KCNH7: variants seen among roughly 807,000 people sequenced by gnomAD.
KCNH7 encodes the protein potassium voltage-gated channel subfamily H member 7, also known as voltage-gated inwardly rectifying potassium channel KCNH7.
Under a neutral mutation model 120.8 loss-of-function variants are expected in KCNH7, and 49 were observed. The observed-to-expected ratio is 0.41, with a 90% confidence interval of 0.32 to 0.51. KCNH7 has a LOEUF of 0.51. Ranked by LOEUF, KCNH7 falls within the 20% of genes least tolerant of loss-of-function variation. The probability of loss-of-function intolerance (pLI) is 0.38; values close to 1 mark genes in which losing one functional copy is unlikely to be tolerated. For synonymous variants in KCNH7, 547 were observed against 516.1 expected, an observed-to-expected ratio of 1.06 and a Z score of -0.81; for missense variants, 1,097 against 1,446.6, an observed-to-expected ratio of 0.76 and a Z score of 3.92.
rs538888085 is a variant in KCNH7 at position 162,407,532 on chromosome 2, G to A, written c.2155-7091C>T. On this transcript the variant is annotated intron_variant, in intron 9 of 15. Coordinates refer to ENST00000332142, the MANE Select transcript of KCNH7 (RefSeq NM_033272.4). ...TCATACACATGTCCTTGTTACCCAG[G>A]CTCTGGAGTCCTTGTGTTAATTCCG... Among the ~76,000 whole-genome samples, 26 of 152,068 alleles carry A rather than the reference G, an allele frequency of 1.7e-4. No homozygotes were observed. In the East Asian group the frequency reaches 5.1e-3, roughly 30 times the overall value.
chr2:162,559,872 C>G (rs1225394558), intron 2 of KCNH7, among the ~76,000 whole-genome samples: 1 of 152,146 alleles, frequency 6.6e-6, no homozygotes, highest in Non-Finnish European at 1.5e-5. Flanking sequence ...AGATGGAGTT[C>G]TGAATTATGT....
chr2:162,529,481 T>G (rs1691840069), intron 3 of KCNH7, among the ~76,000 whole-genome samples: 1 of 151,988 alleles, frequency 6.6e-6, no homozygotes, highest in African/African-American at 2.4e-5. Context: ...TGTATCTGTG[T>G]GTGAATCAGA....
At chr2:162,811,838 A>G (rs1393319503) in intron 2 of KCNH7, among the ~76,000 whole-genome samples, 3 of 152,156 alleles carry the variant, frequency 2.0e-5, no homozygotes, top group Non-Finnish European at 2.9e-5. Flanking sequence ...CTAGCACTGC[A>G]TGATTAAAGG....
chr2:162,386,859 G>T (rs1404827996), intron 12 of KCNH7, among the ~76,000 whole-genome samples: 1 of 151,636 alleles, frequency 6.6e-6, no homozygotes, highest in Non-Finnish European at 1.5e-5. Flanking sequence ...ACTTTGGCTT[G>T]ATTTTGGATG....
intron 3 of KCNH7, among the ~76,000 whole-genome samples, chr2:162,536,612 T>C (rs976268518): frequency 1.3e-5 from 2 of 151,938 alleles, no homozygotes; most frequent in African/African-American, 2.4e-5. Context: ...AATATACATA[T>C]GAAAATACAT....
chr2:162,404,181 T>C (rs17716942), intron 9 of KCNH7, among the ~76,000 whole-genome samples: 14,494 of 151,940 alleles, frequency 0.095, 942 homozygotes, highest in Middle Eastern at 0.22. Flanking sequence ...GATTGTTATA[T>C]CTATTTCCAC....
chr2:162,432,281 T>C (rs926906553), intron 8 of KCNH7, among the ~76,000 whole-genome samples: 2 of 152,018 alleles, frequency 1.3e-5, no homozygotes, highest in Non-Finnish European at 2.9e-5. Context: ...TCAACTTCCA[T>C]TTCTTTCTGG....
At chr2:162,752,926 A>G (rs1007667308) in intron 2 of KCNH7, among the ~76,000 whole-genome samples, 14 of 77,160 alleles carry the variant, frequency 1.8e-4, no homozygotes, top group South Asian at 4.2e-4. Flanking sequence ...AAGAAAAGAA[A>G]AGAAAAGAAA....
At chr2:162,392,392 C>A (rs2105428874) in intron 12 of KCNH7, among the ~76,000 whole-genome samples, 1 of 151,576 alleles carries the variant, frequency 6.6e-6, no homozygotes, top group South Asian at 2.1e-4. Context: ...GAGGAGTGGG[C>A]AGTTTGTTTC....
chr2:162,650,688 C>T (rs781163022), intron 2 of KCNH7, among the ~76,000 whole-genome samples: 14 of 148,824 alleles, frequency 9.4e-5, no homozygotes, highest in Non-Finnish European at 1.3e-4. Context: ...AACTCAGTTG[C>T]CAATTTTCAT....
At chr2:162,433,399 C>T (rs979457607) in intron 8 of KCNH7, among the ~76,000 whole-genome samples, 1 of 151,964 alleles carries the variant, frequency 6.6e-6, no homozygotes, top group Non-Finnish European at 1.5e-5. Context: ...TCACAGTAAC[C>T]AAAACAGCAT....
chr2:162,654,959 T>G (rs1363531544), intron 2 of KCNH7, among the ~76,000 whole-genome samples: 3 of 152,122 alleles, frequency 2.0e-5, no homozygotes, highest in Admixed American at 6.5e-5. Flanking sequence ...AGTAGAATGG[T>G]GTTTACCAGG....
chr2:162,688,927 G>T (rs1685999197), intron 2 of KCNH7, among the ~76,000 whole-genome samples: 1 of 151,696 alleles, frequency 6.6e-6, no homozygotes. Flanking sequence ...TATTTGCTGG[G>T]TAACTTTTGA....
chr2:162,548,230 A>ACC (rs1692545828), intron 2 of KCNH7, among the ~76,000 whole-genome samples: 1 of 152,114 alleles, frequency 6.6e-6, no homozygotes, highest in African/African-American at 2.4e-5. Flanking sequence ...AGTGGGGAAC[A>ACC]CCCTTCTCCC....
intron 2 of KCNH7, among the ~76,000 whole-genome samples, chr2:162,543,038 G>A (rs1692365282): frequency 6.6e-6 from 1 of 152,118 alleles, no homozygotes; most frequent in African/African-American, 2.4e-5. Flanking sequence ...GGTCCCACTT[G>A]CATGTGGGAG....
chr2:162,701,006 C>T (rs1043671990), intron 2 of KCNH7, among the ~76,000 whole-genome samples: 35 of 152,102 alleles, frequency 2.3e-4, no homozygotes, highest in African/African-American at 7.0e-4. Flanking sequence ...TCATAACTAA[C>T]GAAACAGACA....
At chr2:162,711,529 A>C (rs1049053398) in intron 2 of KCNH7, among the ~76,000 whole-genome samples, 5 of 152,240 alleles carry the variant, frequency 3.3e-5, no homozygotes, top group African/African-American at 9.6e-5. Context: ...CATTTTCAGT[A>C]ATAGATTTCA....
chr2:162,778,693 A>G (rs1427132443), intron 2 of KCNH7, among the ~76,000 whole-genome samples: 1 of 152,212 alleles, frequency 6.6e-6, no homozygotes, highest in Non-Finnish European at 1.5e-5. Flanking sequence ...ACAATTATTA[A>G]ATCACACAAA....
At chr2:162,757,989 A>G (rs1688845011) in intron 2 of KCNH7, among the ~76,000 whole-genome samples, 1 of 152,176 alleles carries the variant, frequency 6.6e-6, no homozygotes, top group Admixed American at 6.6e-5. Flanking sequence ...TATGAGTAAT[A>G]GTAGGTTTAT....
Sources: allele counts gnomAD v4.1 joint callset (sites outside exome capture counted in the v4.1 genomes callset), GRCh38; gene constraint gnomAD v4.1.1; transcripts MANE v1.5; gene names NCBI Gene and HGNC (gene_info 2026-07-23, HGNC 2026-07-21).